Variants in CUL4A observed in about 807,000 individuals in gnomAD.
The protein encoded by CUL4A is cullin 4A.
A neutral mutation model predicts 95.5 loss-of-function variants in CUL4A; 16 were observed. That is an observed-to-expected ratio of 0.17 (90% confidence interval 0.11 to 0.25). CUL4A has a LOEUF of 0.25. Ranked by LOEUF, CUL4A falls within the 10% of genes least tolerant of loss-of-function variation. CUL4A has a pLI of 1.00. For missense variants in CUL4A, 610 were observed against 937.0 expected (o/e 0.65, Z 4.56); for synonymous variants, 380 against 353.1 (o/e 1.08, Z -0.85).
At chr13:113,257,804 C>G (rs1266650844) in intron 18 of CUL4A, among the ~76,000 whole-genome samples, 1 of 152,200 alleles carries the variant, frequency 6.6e-6, no homozygotes, top group Non-Finnish European at 1.5e-5. Flanking sequence ...GAAGTTTTTA[C>G]ATTTAAATCT....
chr13:113,220,160 G>T (rs1027821483), intron 3 of CUL4A, among the ~76,000 whole-genome samples: 1 of 152,180 alleles, frequency 6.6e-6, no homozygotes, highest in East Asian at 1.9e-4. Context: ...TGAGTTCATT[G>T]GAAGGGTCCT....
rs924866118 is a variant in CUL4A, at chr13:113,266,013, G to C, written c.*2431G>C. On this transcript the variant is annotated 3_prime_UTR_variant, in exon 20 of 20. Coordinates refer to ENST00000375440, the MANE Select transcript of CUL4A (RefSeq NM_001008895.4). ...CCTATAAATATAGGCTATAATGGAG[G>C]GTCATTTTTTATTTTTATTTAGAGA... is the stretch of plus-strand genomic sequence containing the variant. 6.6e-6 allele frequency: 1 copy of C among 151,968 alleles called. No individual in the cohort carries two copies. The highest frequency in any genetic ancestry group is 6.6e-5 in the Admixed American group (1 of 15,254). 9.4% of individuals were successfully genotyped at this position (151,968 alleles called of 1,614,324 possible).
upstream of CUL4A, chr13:113,208,665 C>T (rs373010760): frequency 2.3e-5 from 36 of 1,597,982 alleles, no homozygotes; most frequent in African/African-American, 1.8e-4. Context: ...AGCGCCACCC[C>T]CTACGCCTCA....
chr13:113,243,101 T>C lies in CUL4A; in HGVS notation c.1169T>C (p.Met390Thr). The C allele has an allele frequency of 6.2e-7, 1 of 1,614,212 alleles. No homozygotes were observed. The highest frequency in any genetic ancestry group is 8.5e-7 in the Non-Finnish European group (1 of 1,180,028). The change falls in exon 11 of 20, where the codon ATG (methionine) becomes ACG (threonine). Residue 390 changes from methionine (M) to threonine (T), a missense_variant. Around this residue, in one of 10 missense-constraint regions of CUL4A, gnomAD observed 153 missense variants for 244.5 expected, o/e 0.63. Transcript: ENST00000375440. ...FQKNERFVNL[M>T]KESFETFINK... ...AAGAATGAGCGGTTCGTCAACCTGA[T>C]GAAGGAGTCCTTTGAGACGTTCATC... is the stretch of plus-strand genomic sequence containing the variant.
At chr13:113,237,954 G>A (rs2041598170) in intron 9 of CUL4A, among the ~76,000 whole-genome samples, 1 of 152,138 alleles carries the variant, frequency 6.6e-6, no homozygotes, top group African/African-American at 2.4e-5. Flanking sequence ...CTACAAATAA[G>A]AAAACCAGGG....
At chr13:113,240,447 A>T (rs904870382) in intron 10 of CUL4A, among the ~76,000 whole-genome samples, 2 of 152,230 alleles carry the variant, frequency 1.3e-5, no homozygotes, top group Non-Finnish European at 2.9e-5. Flanking sequence ...CTTCACAGAT[A>T]GCTCGTGTTT....
chr13:113,245,807 A>G (rs1172756204), intron 14 of CUL4A, 149 bp from the exon 15 acceptor site: 4 of 632,910 alleles, frequency 6.3e-6, no homozygotes, highest in Non-Finnish European at 8.0e-6. Flanking sequence ...CTAGTGAGGC[A>G]TTGGGTTTCA....
chr13:113,245,199 A>G lies in CUL4A; in HGVS notation c.1492A>G (p.Met498Val). Residue 498 changes from methionine (M) to valine (V), a missense_variant, in exon 14 of 20, where the codon ATG (methionine) becomes GTG (valine). By Grantham distance (21) the Met-to-Val change is conservative. Transcript: ENST00000375440. ...TSKLEGMFKD[M>V]ELSKDIMVHF... ...CAAGCTGGAAGGCATGTTCAAGGAC[A>G]TGGAGCTTTCGAAGGACATCATGGT... 6.2e-7 allele frequency: 1 copy of G among 1,614,196 alleles called. No individual in the cohort carries two copies. The highest frequency in any genetic ancestry group is 8.5e-7 in the Non-Finnish European group (1 of 1,180,044).
intron 15 of CUL4A, among the ~76,000 whole-genome samples, chr13:113,249,657 T>A (rs117178693): frequency 0.035 from 5,302 of 152,252 alleles, 130 homozygotes; most frequent in Non-Finnish European, 0.045. Context: ...TAACTTGAAG[T>A]TTAAGTTACT....
chr13:113,233,092 A>G, intron 5 of CUL4A, 85 bp from the exon 6 acceptor site: 2 of 1,391,870 alleles, frequency 1.4e-6, no homozygotes, highest in Non-Finnish European at 2.0e-6. Context: ...TTTTGGGATG[A>G]TATTGAATAG....
Position 113,211,786 on chromosome 13 carries a change from C to G in CUL4A, c.264+1698C>G, listed in dbSNP as rs573094396. Reference sequence around the variant, plus strand: ...AGGTGAGTTCTGCTTACTTCTTTATCTAGAAGTAAGTTCTCAGGGTCATAT... The same window carrying G: ...AGGTGAGTTCTGCTTACTTCTTTATGTAGAAGTAAGTTCTCAGGGTCATAT... On this transcript the variant is annotated intron_variant, in intron 2 of 19. Coordinates refer to ENST00000375440, the MANE Select transcript of CUL4A (RefSeq NM_001008895.4). Among the ~76,000 whole-genome samples, 24 of 152,362 alleles carry G rather than the reference C, an allele frequency of 1.6e-4. 1 individual carries two copies. In the South Asian group the frequency reaches 4.1e-3, roughly 26 times the overall value.
Position 113,228,059 on chromosome 13 carries a change from C to A in CUL4A, c.438+14C>A, listed in dbSNP as rs749023680. The A allele has an allele frequency of 1.6e-5, 26 of 1,603,828 alleles. No homozygotes were observed. In the African/African-American group the frequency reaches 3.5e-4, roughly 21 times the overall value. On this transcript the variant is annotated intron_variant, in intron 4 of 19. Transcript: ENST00000375440. The stretch of plus-strand genomic sequence containing the variant: ...TGCAGACAAATGGTAAGCTTGTTCA[C>A]TTTTTCATCAAAACACGACCTCATC...
intron 3 of CUL4A, among the ~76,000 whole-genome samples, chr13:113,225,863 A>G (rs371990905): frequency 1.3e-5 from 2 of 152,356 alleles, no homozygotes; most frequent in African/African-American, 4.8e-5. Context: ...CAATTTGTAA[A>G]GAGTACTTCC....
chr13:113,225,091 A>G (rs977289666), intron 3 of CUL4A, among the ~76,000 whole-genome samples: 2 of 151,588 alleles, frequency 1.3e-5, no homozygotes, highest in African/African-American at 4.9e-5. Flanking sequence ...TGGTGTAAGC[A>G]TTTCTGCTGT....
intron 15 of CUL4A, among the ~76,000 whole-genome samples, chr13:113,250,640 A>G (rs980185871): frequency 1.3e-5 from 2 of 152,140 alleles, no homozygotes; most frequent in African/African-American, 4.8e-5. Context: ...ATGAATCCCA[A>G]GGAGATGGTT....
intron 15 of CUL4A, among the ~76,000 whole-genome samples, chr13:113,249,310 A>G (rs552755915): frequency 4.8e-5 from 7 of 146,212 alleles, no homozygotes; most frequent in African/African-American, 1.3e-4. Flanking sequence ...TATTCCATCC[A>G]TGCTGTGCCA....
intron 10 of CUL4A, among the ~76,000 whole-genome samples, chr13:113,241,718 T>C (rs2041716904): frequency 6.6e-6 from 1 of 152,124 alleles, no homozygotes; most frequent in East Asian, 2.0e-4. Context: ...TTCACCATAT[T>C]GTCCAAGCTG....
upstream of CUL4A, chr13:113,208,395 G>A: frequency 6.9e-7 from 1 of 1,441,910 alleles, no homozygotes; most frequent in Non-Finnish European, 9.1e-7. Context: ...GGCCCCCACG[G>A]CGGCCCTGCA....
At chr13:113,227,929 A>C (rs775750354) in intron 3 of CUL4A, 47 bp from the exon 4 acceptor site, 8 of 1,278,116 alleles carry the variant, frequency 6.3e-6, no homozygotes, top group Non-Finnish European at 9.0e-6. Context: ...AAAAGGTAAT[A>C]ATTAAATTGG....
Sources: gnomAD v4.1 joint callset for allele counts (sites outside exome capture counted in the v4.1 genomes callset) on GRCh38, gnomAD v4.1.1 for gene constraint, gnomAD v4.1.1 regional missense constraint, MANE v1.5 for transcripts, NCBI Gene and HGNC (gene_info 2026-07-23, HGNC 2026-07-21) for gene names.